Variants in PLXDC2 observed in about 807,000 individuals in gnomAD.
PLXDC2 encodes the protein plexin domain containing 2, also known as plexin domain-containing protein 2.
PLXDC2 carries 40 observed loss-of-function variants against 68.9 expected under a neutral mutation model. The observed-to-expected ratio is 0.58, with a 90% CI of 0.45 to 0.76. The LOEUF (loss-of-function observed/expected upper bound fraction) is 0.76, where lower values mean the gene tolerates loss of function less well. PLXDC2 is among the 30% of genes least tolerant of loss of function. The probability of loss-of-function intolerance (pLI) is 0.00; values close to 1 mark genes in which losing one functional copy is unlikely to be tolerated. For synonymous variants in PLXDC2, 243 were observed against 234.2 expected, an observed-to-expected ratio of 1.04 and a Z score of -0.34; for missense variants, 644 against 661.9, an observed-to-expected ratio of 0.97 and a Z score of 0.30.
At chr10:19,959,587 A>G (rs1367649576) in intron 1 of PLXDC2, among the ~76,000 whole-genome samples, 1 of 152,230 alleles carries the variant, frequency 6.6e-6, no homozygotes, top group Non-Finnish European at 1.5e-5. Flanking sequence ...CTTGATACTT[A>G]CTTAAATTAA....
chr10:20,123,806 G>A lies in PLXDC2; in HGVS notation c.542-19489G>A, dbSNP rs1020706629. Among the ~76,000 whole-genome samples, 6 of 151,898 alleles carry A rather than the reference G, an allele frequency of 4.0e-5. No homozygotes were observed. In the South Asian group the frequency reaches 6.3e-4, roughly 16 times the overall value. ...GGCACAGAGATATAAGAGGTTGGGCGAGGAAATAAGGGATCAGGGTGCAGA... is the reference window on the plus strand; with the variant it reads ...GGCACAGAGATATAAGAGGTTGGGCAAGGAAATAAGGGATCAGGGTGCAGA... On this transcript the variant is annotated intron_variant, in intron 4 of 13. Coordinates refer to ENST00000377252, the MANE Select transcript of PLXDC2 (RefSeq NM_032812.9).
chr10:20,004,058 A>G (rs998947777), intron 2 of PLXDC2, among the ~76,000 whole-genome samples: 3 of 152,202 alleles, frequency 2.0e-5, no homozygotes, highest in Non-Finnish European at 4.4e-5. Context: ...CTGCACCACA[A>G]TCCCTGAAAT....
At chr10:19,958,954 AGC>A (rs987182727) in intron 1 of PLXDC2, among the ~76,000 whole-genome samples, 4 of 152,192 alleles carry the variant, frequency 2.6e-5, no homozygotes, top group African/African-American at 9.6e-5. Flanking sequence ...TTGAGTGATC[AGC>A]CACTAACAGA....
chr10:20,025,530 G>T (rs1372667523), intron 2 of PLXDC2, among the ~76,000 whole-genome samples: 1 of 152,086 alleles, frequency 6.6e-6, no homozygotes, highest in African/African-American at 2.4e-5. Flanking sequence ...CCAAAGTGCT[G>T]GGATTACAGG....
intron 1 of PLXDC2, among the ~76,000 whole-genome samples, chr10:19,944,081 A>G (rs1406858947): frequency 1.3e-5 from 2 of 152,224 alleles, no homozygotes; most frequent in Non-Finnish European, 2.9e-5. Context: ...ATTTTAGATT[A>G]TAACTGCAAT....
intron 1 of PLXDC2, among the ~76,000 whole-genome samples, chr10:19,996,883 G>C (rs1484333677): frequency 3.3e-5 from 5 of 152,094 alleles, no homozygotes; most frequent in Non-Finnish European, 5.9e-5. Flanking sequence ...CAGATCTCAT[G>C]GGACTTATTC....
intron 2 of PLXDC2, among the ~76,000 whole-genome samples, chr10:20,009,014 A>AAT (rs1371726055): frequency 2.0e-5 from 3 of 152,156 alleles, no homozygotes; most frequent in Non-Finnish European, 2.9e-5. Context: ...AAAACGGACT[A>AAT]ATACAAGAGA....
At chr10:20,156,059 C>G (rs1209893928) in intron 6 of PLXDC2, among the ~76,000 whole-genome samples, 1 of 151,800 alleles carries the variant, frequency 6.6e-6, no homozygotes, top group Non-Finnish European at 1.5e-5. Flanking sequence ...TTTTGTGTCT[C>G]CCCCAAACCC....
At chr10:20,246,762 A>G (rs1835601706) in intron 13 of PLXDC2, among the ~76,000 whole-genome samples, 1 of 152,224 alleles carries the variant, frequency 6.6e-6, no homozygotes, top group African/African-American at 2.4e-5. Context: ...AATTTCAAAC[A>G]TGTAATTAGA....
At chr10:20,028,130 C>T (rs1247648941) in intron 2 of PLXDC2, among the ~76,000 whole-genome samples, 1 of 152,200 alleles carries the variant, frequency 6.6e-6, no homozygotes, top group Non-Finnish European at 1.5e-5. Context: ...GCAATTTGGA[C>T]ATTTCAGCTA....
At chr10:20,096,891 T>C (rs1009067664) in intron 4 of PLXDC2, among the ~76,000 whole-genome samples, 1 of 152,170 alleles carries the variant, frequency 6.6e-6, no homozygotes, top group Non-Finnish European at 1.5e-5. Flanking sequence ...CTCTTCTAAA[T>C]GTAGGGTCTG....
At chr10:20,025,034 T>C (rs1835373853) in intron 2 of PLXDC2, among the ~76,000 whole-genome samples, 1 of 152,176 alleles carries the variant, frequency 6.6e-6, no homozygotes, top group African/African-American at 2.4e-5. Flanking sequence ...AACATACAAG[T>C]GCAGGTGTCT....
At chr10:19,842,433 A>G (rs1225561553) in intron 1 of PLXDC2, among the ~76,000 whole-genome samples, 1 of 152,158 alleles carries the variant, frequency 6.6e-6, no homozygotes, top group Non-Finnish European at 1.5e-5. Context: ...AGCTAAATGT[A>G]TACATTTCCC....
Position 20,091,057 on chromosome 10 carries a change from C to A in PLXDC2, c.541+22818C>A, listed in dbSNP as rs149863384. On this transcript the variant is annotated intron_variant, in intron 4 of 13. Transcript: ENST00000377252. ...CTTTGTGAATTTAATTACTGCCAGC[C>A]CCCCCACACCCCGGTTTTAAAACAT... Among the ~76,000 whole-genome samples, 8 of 152,100 alleles carry A rather than the reference C, an allele frequency of 5.3e-5. No homozygotes were observed. The East Asian group carries it at 9.7e-4, about 18-fold the overall frequency.
At chr10:20,094,315 T>C (rs1484209993) in intron 4 of PLXDC2, among the ~76,000 whole-genome samples, 1 of 152,208 alleles carries the variant, frequency 6.6e-6, no homozygotes, top group Non-Finnish European at 1.5e-5. Flanking sequence ...TTTTCAGAAT[T>C]ATTGCTTTAA....
chr10:19,914,924 C>G (rs1182930903), intron 1 of PLXDC2, among the ~76,000 whole-genome samples: 3 of 152,160 alleles, frequency 2.0e-5, no homozygotes, highest in Non-Finnish European at 4.4e-5. Context: ...TGTAGCCACT[C>G]TAGCTACTAA....
At chr10:20,020,897 C>T (rs1198715533) in intron 2 of PLXDC2, among the ~76,000 whole-genome samples, 1 of 152,018 alleles carries the variant, frequency 6.6e-6, no homozygotes, top group East Asian at 1.9e-4. Flanking sequence ...TAAAAGAGGA[C>T]ATGCCAGAAA....
chr10:20,192,950 C>T (rs956402820), intron 9 of PLXDC2, among the ~76,000 whole-genome samples: 2 of 152,022 alleles, frequency 1.3e-5, no homozygotes, highest in Non-Finnish European at 2.9e-5. Flanking sequence ...GTCCCCTCTA[C>T]ACCACATGTC....
intron 12 of PLXDC2, among the ~76,000 whole-genome samples, chr10:20,221,703 G>A (rs1835214345): frequency 2.0e-5 from 3 of 152,130 alleles, no homozygotes. Flanking sequence ...ATTTAATTAA[G>A]CATATTGAAA....
Sources: gnomAD v4.1 joint callset for allele counts (sites outside exome capture counted in the v4.1 genomes callset) on GRCh38, gnomAD v4.1.1 for gene constraint, MANE v1.5 for transcripts, NCBI Gene and HGNC (gene_info 2026-07-23, HGNC 2026-07-21) for gene names.